The following ROR1 variants were observed in gnomAD, a reference collection of about 807,000 sequenced individuals.
ROR1 encodes the protein ROR family WNT receptor 1.
A neutral mutation model predicts 78.8 loss-of-function variants in ROR1; 19 were observed. That is an observed-to-expected ratio of 0.24 (90% CI 0.17 to 0.35). The LOEUF (loss-of-function observed/expected upper bound fraction) is 0.35, where lower values mean the gene tolerates loss of function less well. Among genes scored for constraint, ROR1 ranks in the 10% least tolerant of loss-of-function variants. ROR1 has a pLI of 1.00. For synonymous variants in ROR1, 386 were observed against 433.6 expected, an observed-to-expected ratio of 0.89 and a Z score of 1.36; for missense variants, 917 against 1,177.8, an observed-to-expected ratio of 0.78 and a Z score of 3.24.
chr1:63,800,248 T>C (rs1302835854), intron 1 of ROR1, among the ~76,000 whole-genome samples: 6 of 152,202 alleles, frequency 3.9e-5, no homozygotes, highest in African/African-American at 1.4e-4. Flanking sequence ...CTGATGACAA[T>C]GTCAACCCCT....
Position 63,978,939 on chromosome 1 carries a change from C to T in ROR1, c.92-30366C>T, listed in dbSNP as rs533945719. ...GTTTCAAGTCCAAAGGCTGTCAGGC[C>T]GAAGACCTGGGAAAGAGTGAATGTT... On this transcript the variant is annotated intron_variant, in intron 1 of 8. Coordinates refer to ENST00000371079, the MANE Select transcript of ROR1 (RefSeq NM_005012.4). Among the ~76,000 whole-genome samples, 59 of 152,246 alleles carry T rather than the reference C, an allele frequency of 3.9e-4. No homozygotes were observed. The South Asian group carries it at 0.012, about 30-fold the overall frequency.
At chr1:64,026,932 G>A (rs1570079413) in intron 2 of ROR1, among the ~76,000 whole-genome samples, 1 of 152,224 alleles carries the variant, frequency 6.6e-6, no homozygotes, top group Admixed American at 6.5e-5. Flanking sequence ...AGATAAAATT[G>A]TAAATACTTT....
chr1:64,033,915 G>A (rs933264694), intron 2 of ROR1, among the ~76,000 whole-genome samples: 3 of 152,204 alleles, frequency 2.0e-5, no homozygotes, highest in Non-Finnish European at 4.4e-5. Context: ...GAGAACAAGT[G>A]ACACAGCCAG....
chr1:64,069,363 T>C (rs536699456), intron 4 of ROR1, among the ~76,000 whole-genome samples: 5 of 152,314 alleles, frequency 3.3e-5, no homozygotes, highest in African/African-American at 4.8e-5. Flanking sequence ...TTTCCTTGCC[T>C]CAAACACTAC....
intron 1 of ROR1, among the ~76,000 whole-genome samples, chr1:63,806,379 A>G (rs550805937): frequency 3.4e-5 from 5 of 146,520 alleles, no homozygotes; most frequent in East Asian, 2.0e-4. Flanking sequence ...GTGCAGTGGC[A>G]CAATCCCAGC....
chr1:63,997,298 C>G (rs1646344898), intron 1 of ROR1, among the ~76,000 whole-genome samples: 1 of 152,206 alleles, frequency 6.6e-6, no homozygotes, highest in African/African-American at 2.4e-5. Flanking sequence ...TAAGACAATA[C>G]TACACACTGC....
At chr1:64,076,446 A>G (rs988249369) in intron 4 of ROR1, among the ~76,000 whole-genome samples, 1 of 152,248 alleles carries the variant, frequency 6.6e-6, no homozygotes, top group Non-Finnish European at 1.5e-5. Context: ...TGTTTTCTCC[A>G]GATAAGCATC....
chr1:63,908,858 C>T (rs1452183448), intron 1 of ROR1, among the ~76,000 whole-genome samples: 1 of 152,204 alleles, frequency 6.6e-6, no homozygotes, highest in Non-Finnish European at 1.5e-5. Flanking sequence ...CTGACTTCTC[C>T]CACCATGCCA....
chr1:64,129,426 T>G (rs1569821802), intron 4 of ROR1, among the ~76,000 whole-genome samples: 2 of 152,234 alleles, frequency 1.3e-5, no homozygotes, highest in East Asian at 3.8e-4. Context: ...CCCATTATTC[T>G]TAATAGGCAA....
intron 2 of ROR1, among the ~76,000 whole-genome samples, chr1:64,019,069 T>C (rs901525572): frequency 2.0e-5 from 3 of 152,200 alleles, no homozygotes; most frequent in Non-Finnish European, 2.9e-5. Context: ...CCTCCCCTCA[T>C]TCTTATTTTA....
chr1:63,893,065 G>A (rs922716704), intron 1 of ROR1, among the ~76,000 whole-genome samples: 3 of 152,150 alleles, frequency 2.0e-5, no homozygotes, highest in African/African-American at 7.2e-5. Flanking sequence ...CAGAGGGTGC[G>A]GTTTCCCTGT....
chr1:63,941,603 A>G (rs1645841014), intron 1 of ROR1, among the ~76,000 whole-genome samples: 1 of 152,146 alleles, frequency 6.6e-6, no homozygotes, highest in Admixed American at 6.5e-5. Context: ...ATAACATAAT[A>G]TCAGTTCTTT....
intron 7 of ROR1, among the ~76,000 whole-genome samples, chr1:64,156,150 G>A (rs1354080489): frequency 6.6e-6 from 1 of 152,206 alleles, no homozygotes; most frequent in Non-Finnish European, 1.5e-5. Flanking sequence ...ACTGGTACTA[G>A]AATAGATTTG....
Position 64,137,298 on chromosome 1 carries a change from C to G in ROR1, c.483-71C>G, listed in dbSNP as rs3738152. On this transcript the variant is annotated intron_variant, in intron 4 of 8. Coordinates refer to ENST00000371079, the MANE Select transcript of ROR1 (RefSeq NM_005012.4). ...CCCCTAGTGACTATTTAGGGTATCGCGCAGTCAGAGCTTGCTGTGCCCTGT... is the reference window on the plus strand; with the variant it reads ...CCCCTAGTGACTATTTAGGGTATCGGGCAGTCAGAGCTTGCTGTGCCCTGT... 4,445 of 1,557,012 alleles carry G rather than the reference C, an allele frequency of 2.9e-3. 116 individuals carry two copies. In the East Asian group the frequency reaches 0.056, roughly 20 times the overall value.
chr1:64,028,492 A>G (rs1386087857), intron 2 of ROR1, among the ~76,000 whole-genome samples: 1 of 152,198 alleles, frequency 6.6e-6, no homozygotes, highest in African/African-American at 2.4e-5. Flanking sequence ...ATGAATGCCA[A>G]TATTGCATGC....
At chr1:63,965,808 C>T (rs1032513845) in intron 1 of ROR1, among the ~76,000 whole-genome samples, 12 of 152,122 alleles carry the variant, frequency 7.9e-5, no homozygotes, top group African/African-American at 2.7e-4. Context: ...GACAAAGTAA[C>T]GAACAAGCTT....
At chr1:63,783,292 ATGT>A (rs1293087667) in intron 1 of ROR1, among the ~76,000 whole-genome samples, 1 of 152,116 alleles carries the variant, frequency 6.6e-6, no homozygotes, top group South Asian at 2.1e-4. Context: ...GGAGTTAAAA[ATGT>A]TGTGCATTTC....
intron 7 of ROR1, among the ~76,000 whole-genome samples, chr1:64,147,313 G>C (rs1649502197): frequency 6.6e-6 from 1 of 152,270 alleles, no homozygotes; most frequent in South Asian, 2.1e-4. Flanking sequence ...GATGAATTTA[G>C]ATGAAAGTTA....
intron 1 of ROR1, among the ~76,000 whole-genome samples, chr1:63,873,609 A>G (rs1436470360): frequency 6.6e-6 from 1 of 152,200 alleles, no homozygotes; most frequent in African/African-American, 2.4e-5. Context: ...AAAAACTCAC[A>G]GGACTGGTGC....
Sources: allele counts gnomAD v4.1 joint callset (sites outside exome capture counted in the v4.1 genomes callset), GRCh38; gene constraint gnomAD v4.1.1; transcripts MANE v1.5; gene names NCBI Gene and HGNC (gene_info 2026-07-23, HGNC 2026-07-21).